The following SLCO3A1 variants were observed in gnomAD, a reference collection of about 807,000 sequenced individuals.
SLCO3A1 encodes PGE1 transporter.
SLCO3A1 carries 27 observed loss-of-function variants against 63.1 expected under a neutral mutation model. That is an observed-to-expected ratio of 0.43 (90% CI 0.32 to 0.59). SLCO3A1 has a LOEUF of 0.59. Ranked by LOEUF, SLCO3A1 falls within the 20% of genes least tolerant of loss-of-function variation. The pLI is 0.09. For synonymous variants in SLCO3A1, 473 were observed against 409.9 expected (o/e 1.15, Z -1.86); for missense variants, 773 against 945.8 (o/e 0.82, Z 2.40).
At chr15:92,053,290 A>G (rs1386014706) in intron 2 of SLCO3A1, among the ~76,000 whole-genome samples, 3 of 152,108 alleles carry the variant, frequency 2.0e-5, no homozygotes, top group Non-Finnish European at 2.9e-5. Context: ...CCTTTTTATA[A>G]TACACTTTTT....
At chr15:92,160,377 C>A (rs754175304) in intron 9 of SLCO3A1, among the ~76,000 whole-genome samples, 1 of 152,136 alleles carries the variant, frequency 6.6e-6, no homozygotes, top group East Asian at 1.9e-4. Context: ...TTGGCTCTTT[C>A]AACTGGAGTG....
intron 9 of SLCO3A1, among the ~76,000 whole-genome samples, chr15:92,156,336 G>C (rs2048371620): frequency 6.6e-6 from 1 of 152,144 alleles, no homozygotes; most frequent in Non-Finnish European, 1.5e-5. Context: ...CCAGCCATGT[G>C]CCCTGGCTCT....
chr15:91,871,559 G>A (rs990703727), intron 1 of SLCO3A1, among the ~76,000 whole-genome samples: 1 of 152,142 alleles, frequency 6.6e-6, no homozygotes, highest in South Asian at 2.1e-4. Flanking sequence ...AGAGAATATA[G>A]GGATAACTAC....
At chr15:91,857,945 A>G (rs1158378711) in intron 1 of SLCO3A1, among the ~76,000 whole-genome samples, 2 of 152,190 alleles carry the variant, frequency 1.3e-5, no homozygotes, top group African/African-American at 4.8e-5. Flanking sequence ...ATTTAGAGTT[A>G]TAGAAAAATA....
chr15:92,039,077 C>T (rs1280719815), intron 2 of SLCO3A1, among the ~76,000 whole-genome samples: 1 of 150,594 alleles, frequency 6.6e-6, no homozygotes, highest in Non-Finnish European at 1.5e-5. Flanking sequence ...ACCCCGTCCT[C>T]CTCAAGATGG....
At chr15:91,974,771 C>T (rs1901033241) in intron 2 of SLCO3A1, among the ~76,000 whole-genome samples, 1 of 152,160 alleles carries the variant, frequency 6.6e-6, no homozygotes, top group South Asian at 2.1e-4. Flanking sequence ...CATTTCCAGT[C>T]CCTCTGTGAT....
In SLCO3A1 at chr15:91,954,826, A is replaced by G. The variant is rs528837141; in HGVS notation, c.646+38368A>G. Reference sequence around the variant, plus strand: ...AGTCCATCACTGGCCTAGACACCATACCCTGAACCGCCCCCCGTGGTCTCC... The same window carrying G: ...AGTCCATCACTGGCCTAGACACCATGCCCTGAACCGCCCCCCGTGGTCTCC... On this transcript the variant is annotated intron_variant, in intron 2 of 9. Transcript: ENST00000318445. The surrounding 1 kb of genome is among the most constrained non-coding windows in gnomAD (Gnocchi z 4.7). Among the ~76,000 whole-genome samples the G allele has an allele frequency of 2.0e-5, 3 of 152,004 alleles. No individual in the cohort carries two copies. In the South Asian group the frequency reaches 6.3e-4, roughly 32 times the overall value.
rs1473142339 is a variant in SLCO3A1 at position 91,900,331 on chromosome 15, G to A, written c.181-15662G>A. Among the ~76,000 whole-genome samples, 2 of 152,116 alleles carry A rather than the reference G, an allele frequency of 1.3e-5. No homozygotes were observed. Among genetic ancestry groups the A allele is most frequent in the Non-Finnish European group, 2.9e-5 (2 of 68,002 alleles). On this transcript the variant is annotated intron_variant, in intron 1 of 9. Transcript: ENST00000318445. The surrounding 1 kb of genome is among the most constrained non-coding windows in gnomAD (Gnocchi z 4.3). ...AATACTTTGTATTGTCTGTTCGTTT[G>A]TTTGTTTTTGTTTTTTGAGATGGAG...
intron 2 of SLCO3A1, among the ~76,000 whole-genome samples, chr15:92,009,977 C>T (rs1470108158): frequency 6.6e-6 from 1 of 152,162 alleles, no homozygotes; most frequent in African/African-American, 2.4e-5. Flanking sequence ...GCCATGTGGG[C>T]TGGACTCCCC....
intron 2 of SLCO3A1, among the ~76,000 whole-genome samples, chr15:91,919,801 G>T (rs2151381979): frequency 6.6e-6 from 1 of 151,972 alleles, no homozygotes; most frequent in South Asian, 2.1e-4. Context: ...GAGTACTAAA[G>T]ATTTCTCAAT....
intron 2 of SLCO3A1, among the ~76,000 whole-genome samples, chr15:91,931,097 G>T (rs1055134916): frequency 6.6e-5 from 10 of 152,192 alleles, no homozygotes; most frequent in African/African-American, 2.4e-4. Flanking sequence ...TTTTACAATT[G>T]TGAATAATGA....
chr15:92,045,845 C>T (rs1427687565), intron 2 of SLCO3A1, among the ~76,000 whole-genome samples: 3 of 152,126 alleles, frequency 2.0e-5, no homozygotes, highest in Non-Finnish European at 4.4e-5. Context: ...ATCAATATCT[C>T]CAGTCACTTG....
intron 3 of SLCO3A1, among the ~76,000 whole-genome samples, chr15:92,098,602 G>C (rs1182221129): frequency 1.3e-5 from 2 of 152,200 alleles, no homozygotes; most frequent in Non-Finnish European, 2.9e-5. Context: ...AAGATTAGTA[G>C]TAACAGCAGC....
At chr15:92,108,258 G>T (rs935013472) in intron 4 of SLCO3A1, among the ~76,000 whole-genome samples, 15 of 152,212 alleles carry the variant, frequency 9.9e-5, no homozygotes, top group African/African-American at 3.6e-4. Flanking sequence ...CCGATGTGGG[G>T]GCTGGCCGAG....
chr15:91,853,819 A>G lies in SLCO3A1; in HGVS notation c.-90A>G. ...GGGGCGGGGACAGCACGCAGCCTCG[A>G]GGCGCGCACCCCCGCCCGGCAGCGG... On this transcript the variant is annotated 5_prime_UTR_variant, in exon 1 of 10. Coordinates refer to ENST00000318445, the MANE Select transcript of SLCO3A1 (RefSeq NM_013272.4). The G allele has an allele frequency of 8.8e-7, 1 of 1,138,054 alleles. No homozygotes were observed. Among genetic ancestry groups the G allele is most frequent in the African/African-American group, 1.7e-5 (1 of 57,834 alleles). The allele number at this position is 1,138,054 out of a possible 1,614,324, so 70.5% of individuals were successfully genotyped here.
Position 92,145,016 on chromosome 15 carries a change from G to A in SLCO3A1, c.1513-1968G>A, listed in dbSNP as rs574164413. Among the ~76,000 whole-genome samples the A allele has an allele frequency of 2.6e-5, 4 of 152,272 alleles. No individual in the cohort carries two copies. The South Asian group carries it at 8.3e-4, about 32-fold the overall frequency. On this transcript the variant is annotated intron_variant, in intron 7 of 9. Coordinates refer to ENST00000318445, the MANE Select transcript of SLCO3A1 (RefSeq NM_013272.4). ...GGTACCAGCAACAAAGATGGAAAGC[G>A]AGTGACCAGAGGAGGACCAGGGAAA...
intron 2 of SLCO3A1, among the ~76,000 whole-genome samples, chr15:92,030,712 C>G (rs577763971): frequency 1.3e-5 from 2 of 152,256 alleles, no homozygotes; most frequent in South Asian, 2.1e-4. Flanking sequence ...CCCACCCCAC[C>G]ATGGCAGAGA....
At chr15:92,126,501 G>T (rs1388015518) in intron 6 of SLCO3A1, among the ~76,000 whole-genome samples, 1 of 152,202 alleles carries the variant, frequency 6.6e-6, no homozygotes, top group Non-Finnish European at 1.5e-5. Flanking sequence ...CTCCCTGGCA[G>T]ACTCACATCG....
chr15:92,052,737 T>A (rs2046972456), intron 2 of SLCO3A1, among the ~76,000 whole-genome samples: 2 of 152,224 alleles, frequency 1.3e-5, no homozygotes, highest in South Asian at 4.1e-4. Context: ...ACTTGAAATG[T>A]GGCCAGTCCA....
Sources: allele counts gnomAD v4.1 joint callset (sites outside exome capture counted in the v4.1 genomes callset), GRCh38; gene constraint gnomAD v4.1.1; non-coding constraint Gnocchi (gnomAD v3.1); transcripts MANE v1.5; gene names NCBI Gene and HGNC (gene_info 2026-07-23, HGNC 2026-07-21).